TMEM273: variants seen among roughly 807,000 people sequenced by gnomAD.
TMEM273 encodes the protein chromosome 10 open reading frame 128.
Under a neutral mutation model 17.9 loss-of-function variants are expected in TMEM273, and 19 were observed. The observed-to-expected ratio is 1.06, with a 90% confidence interval of 0.74 to 1.55. TMEM273 has a LOEUF of 1.55. Among genes scored for constraint, TMEM273 ranks in the 40% most tolerant of loss-of-function variants. The pLI, the probability that TMEM273 is intolerant of heterozygous loss-of-function variation, is 0.00. For synonymous variants in TMEM273, 66 were observed against 62.0 expected, an observed-to-expected ratio of 1.07 and a Z score of -0.31; for missense variants, 194 against 155.6, an observed-to-expected ratio of 1.25 and a Z score of -1.31.
At chr10:49,177,016 G>A (rs550039539) in intron 1 of TMEM273, among the ~76,000 whole-genome samples, 1 of 152,206 alleles carries the variant, frequency 6.6e-6, no homozygotes, top group Non-Finnish European at 1.5e-5. Flanking sequence ...CCTTCCAGAG[G>A]GGGAGGTGCA....
chr10:49,167,035 C>G, intron 2 of TMEM273, 26 bp from the exon 3 acceptor site: 1 of 1,611,158 alleles, frequency 6.2e-7, no homozygotes, highest in Non-Finnish European at 8.5e-7. Flanking sequence ...GAATTGAACA[C>G]CCGGTTTCAG....
At chr10:49,159,376 A>G (rs1207613159) in intron 6 of TMEM273, among the ~76,000 whole-genome samples, 2 of 152,328 alleles carry the variant, frequency 1.3e-5, no homozygotes, top group Admixed American at 6.5e-5. Context: ...GCAAAGAAAT[A>G]TGCAAGTTTA....
At chr10:49,157,041 T>C (rs1318574721) in intron 6 of TMEM273, among the ~76,000 whole-genome samples, 1 of 152,196 alleles carries the variant, frequency 6.6e-6, no homozygotes, top group African/African-American at 2.4e-5. Flanking sequence ...TCCTAGTGCC[T>C]TTAACAAGCC....
intron 1 of TMEM273, among the ~76,000 whole-genome samples, chr10:49,176,624 A>T (rs1846988768): frequency 6.6e-6 from 1 of 152,164 alleles, no homozygotes; most frequent in Non-Finnish European, 1.5e-5. Flanking sequence ...AGCCTCTGGG[A>T]AGCATTGCTC....
At chr10:49,177,466 C>T (rs895965662) in intron 1 of TMEM273, among the ~76,000 whole-genome samples, 5 of 152,170 alleles carry the variant, frequency 3.3e-5, no homozygotes, top group South Asian at 2.1e-4. Context: ...AAAAATTCTT[C>T]GCATTTGCAT....
At chr10:49,182,982 GA>G (rs1847441895) in intron 1 of TMEM273, among the ~76,000 whole-genome samples, 1 of 151,964 alleles carries the variant, frequency 6.6e-6, no homozygotes, top group South Asian at 2.1e-4. Context: ...GTTCTGTGGG[GA>G]AAAAAGGTGG....
chr10:49,174,612 C>T (rs1485279181), intron 1 of TMEM273, among the ~76,000 whole-genome samples: 1 of 152,200 alleles, frequency 6.6e-6, no homozygotes, highest in Non-Finnish European at 1.5e-5. Flanking sequence ...GTGGTCCTTG[C>T]TTTCTGTGCA....
At chr10:49,184,761 A>G (rs777889563) in intron 1 of TMEM273, among the ~76,000 whole-genome samples, 1 of 152,220 alleles carries the variant, frequency 6.6e-6, no homozygotes, top group Non-Finnish European at 1.5e-5. Context: ...GTCTGCTAGA[A>G]AACCAGCTGC....
intron 3 of TMEM273, 35 bp downstream of exon 3, chr10:49,166,834 G>T: frequency 6.2e-7 from 1 of 1,611,364 alleles, no homozygotes. Context: ...CTCGCTGGGT[G>T]GGGCAGAGCC....
chr10:49,155,680 C>T lies in TMEM273; in HGVS notation c.*212G>A, dbSNP rs1188264373. 4 of 657,274 alleles carry T rather than the reference C, an allele frequency of 6.1e-6. No individual in the cohort carries two copies. Among genetic ancestry groups the T allele is most frequent in the Non-Finnish European group, 7.8e-6 (3 of 386,370 alleles). 40.7% of individuals were successfully genotyped at this position (657,274 alleles called of 1,614,324 possible). ...TAAATTGCTCAATCCTTCCTCTGTG[C>T]AGTCCGTTTCTTCCAGAAGAGGCAT... is the stretch of plus-strand genomic sequence containing the variant. On this transcript the variant is annotated 3_prime_UTR_variant, in exon 7 of 7. Coordinates refer to ENST00000374153, the MANE Select transcript of TMEM273 (RefSeq NM_001288740.3).
intron 1 of TMEM273, among the ~76,000 whole-genome samples, chr10:49,182,704 G>A (rs1215745856): frequency 3.3e-5 from 5 of 152,146 alleles, no homozygotes; most frequent in Non-Finnish European, 5.9e-5. Flanking sequence ...GCTAGTCTTA[G>A]ATCAATATTT....
At chr10:49,178,120 C>T (rs1292297710) in intron 1 of TMEM273, 2 of 450,870 alleles carry the variant, frequency 4.4e-6, no homozygotes, top group East Asian at 1.4e-4. Flanking sequence ...TGTTTAAAAT[C>T]CTACAGAATA....
chr10:49,161,671 G>A (rs1845850990), intron 5 of TMEM273, 49 bp from the exon 6 acceptor site: 8 of 1,612,718 alleles, frequency 5.0e-6, no homozygotes, highest in Non-Finnish European at 6.8e-6. Context: ...TTAGAAGCCA[G>A]AAAGACAATG....
chr10:49,186,068 G>GGAAGAAGAAGAAGAAGAA lies in TMEM273; in HGVS notation c.43+2208_43+2225dup, dbSNP rs35480919. Among the ~76,000 whole-genome samples, 187 of 67,144 alleles carry GGAAGAAGAAGAAGAAGAA rather than the reference G, an allele frequency of 2.8e-3. 3 individuals are homozygous for GGAAGAAGAAGAAGAAGAA. The highest frequency in any genetic ancestry group is 4.3e-3 in the African/African-American group (86 of 19,784). 44.0% of individuals were successfully genotyped at this position (67,144 alleles called of 152,430 possible). On this transcript the variant is annotated intron_variant, in intron 1 of 6. Transcript: ENST00000374153. ...AAGAAGAAGAGGAAGAAGAAGAAGA[G>GGAAGAAGAAGAAGAAGAA]GAAGAAGAAGAAGAAGAAGAAGAAG...
intron 1 of TMEM273, among the ~76,000 whole-genome samples, chr10:49,179,481 C>A (rs1284073444): frequency 6.6e-6 from 1 of 152,184 alleles, no homozygotes; most frequent in Non-Finnish European, 1.5e-5. Context: ...GGTCCCTCCC[C>A]AAAGAGCATT....
chr10:49,163,302 TGTGTGA>T (rs969227364), intron 5 of TMEM273, among the ~76,000 whole-genome samples: 5 of 140,822 alleles, frequency 3.6e-5, no homozygotes, highest in African/African-American at 1.3e-4. Context: ...TGTGTGTGTG[TGTGTGA>T]GAGAGAGAGA....
chr10:49,167,583 G>A lies in TMEM273; in HGVS notation c.97+326C>T, dbSNP rs556735928. On this transcript the variant is annotated intron_variant, in intron 2 of 6. Transcript: ENST00000374153. ...GGGCAGACAGGCTGGAAGCTCGCAG[G>A]TGGAGGGAGGCACCGATGAGGGCTG... Among the ~76,000 whole-genome samples the A allele has an allele frequency of 2.0e-5, 3 of 152,338 alleles. No individual in the cohort carries two copies. In the East Asian group the frequency reaches 5.8e-4, roughly 29 times the overall value.
chr10:49,166,661 G>A (rs1012580900), intron 3 of TMEM273: 1 of 646,984 alleles, frequency 1.5e-6, no homozygotes, highest in African/African-American at 1.8e-5. Flanking sequence ...CACAAATAGA[G>A]AGACAGAGAG....
At chr10:49,184,863 GA>G (rs1339891391) in intron 1 of TMEM273, among the ~76,000 whole-genome samples, 4 of 152,220 alleles carry the variant, frequency 2.6e-5, no homozygotes, top group Non-Finnish European at 5.9e-5. Flanking sequence ...GACAGTATGG[GA>G]ATGGATAAAT....
Sources: gnomAD v4.1 joint callset for allele counts (sites outside exome capture counted in the v4.1 genomes callset) on GRCh38, gnomAD v4.1.1 for gene constraint, MANE v1.5 for transcripts, NCBI Gene and HGNC (gene_info 2026-07-23, HGNC 2026-07-21) for gene names.